The following SPIRE2 variants were observed in gnomAD, a reference collection of about 807,000 sequenced individuals.
SPIRE2 encodes the protein protein spire homolog 2.
A neutral mutation model predicts 80.7 loss-of-function variants in SPIRE2; 76 were observed. The observed-to-expected ratio is 0.94, with a 90% confidence interval of 0.78 to 1.14. The LOEUF (loss-of-function observed/expected upper bound fraction) is 1.14, where lower values mean the gene tolerates loss of function less well. SPIRE2 is among the 50% of genes most tolerant of loss of function. The probability of loss-of-function intolerance (pLI) is 0.00; values close to 1 mark genes in which losing one functional copy is unlikely to be tolerated. For synonymous variants in SPIRE2, 535 were observed against 432.6 expected (o/e 1.24, Z -2.94); for missense variants, 1,196 against 1,015.3 (o/e 1.18, Z -2.42).
At position 89,871,147 on chromosome 16, in the gene SPIRE2, T is replaced by A. The variant is rs1381335971; in HGVS notation, c.*875T>A. ...CCTTGCCCTTTCCCTTTCCCTGGGG[T>A]CCAAACCACATGTGTCCTGCCTCTC... is the stretch of plus-strand genomic sequence containing the variant. On this transcript the variant is annotated 3_prime_UTR_variant, in exon 15 of 15. Transcript: ENST00000378247. 1 of 151,568 alleles carries A rather than the reference T, an allele frequency of 6.6e-6. No homozygotes were observed. Among genetic ancestry groups the A allele is most frequent in the East Asian group, 1.9e-4 (1 of 5,170 alleles). The allele number at this position is 151,568 out of a possible 1,614,324, so 9.4% of individuals were successfully genotyped here. A position where few individuals can be genotyped will look rare whatever the true frequency, so the allele number is the denominator to read the frequency against.
chr16:89,828,569 T>TGCG lies in SPIRE2; in HGVS notation c.26_28dup (p.Gly9dup), dbSNP rs1350111204. ...CCCCGCCATGGCCCGGGCGGGCAGC[T>TGCG]GCGGCGGCGCCGCGGCGGGCGCAGG... On this transcript the variant is annotated inframe_insertion, in exon 1 of 15. Coordinates refer to ENST00000378247, the MANE Select transcript of SPIRE2 (RefSeq NM_032451.2). The surrounding 1 kb of genome is among the most constrained non-coding windows in gnomAD (Gnocchi z 5.9). 1 of 1,150,848 alleles carries TGCG rather than the reference T, an allele frequency of 8.7e-7. No homozygotes were observed. The highest frequency in any genetic ancestry group is 3.8e-5 in the South Asian group (1 of 26,332). 71.3% of individuals were successfully genotyped at this position (1,150,848 alleles called of 1,614,324 possible).
chr16:89,853,868 A>C (rs1026584441), intron 3 of SPIRE2, among the ~76,000 whole-genome samples: 10 of 152,038 alleles, frequency 6.6e-5, no homozygotes, highest in Non-Finnish European at 1.3e-4. Context: ...CAGCTCATCC[A>C]CCCTCCCATC....
chr16:89,855,525 G>C, intron 5 of SPIRE2, 75 bp from the exon 6 acceptor site: 6 of 1,355,848 alleles, frequency 4.4e-6, no homozygotes, highest in Non-Finnish European at 6.2e-6. Flanking sequence ...TCCTTGGGCT[G>C]AGCAGGCCTC....
At chr16:89,838,042 G>C (rs2041467519) in intron 1 of SPIRE2, among the ~76,000 whole-genome samples, 1 of 151,350 alleles carries the variant, frequency 6.6e-6, no homozygotes, top group South Asian at 2.1e-4. Context: ...GACAAGTCTT[G>C]CTCTGTCACC....
intron 10 of SPIRE2, among the ~76,000 whole-genome samples, chr16:89,861,795 T>A (rs1230230581): frequency 6.6e-6 from 1 of 152,186 alleles, no homozygotes; most frequent in Non-Finnish European, 1.5e-5. Context: ...GTGAGTCCCT[T>A]GCTGTGTAGG....
chr16:89,847,871 G>A (rs911154999), intron 2 of SPIRE2, among the ~76,000 whole-genome samples: 4 of 152,232 alleles, frequency 2.6e-5, no homozygotes, highest in South Asian at 2.1e-4. Context: ...TAAGAGGCTC[G>A]GGTTGGAGTT....
intron 1 of SPIRE2, among the ~76,000 whole-genome samples, chr16:89,843,678 TTTGTTTGTTTTTGTTTTTTG>T (rs1441256436): frequency 3.9e-4 from 9 of 23,262 alleles, no homozygotes; most frequent in East Asian, 6.7e-3. Flanking sequence ...TTTTTTTTTT[TTTGTTTGTTTTTGTTTTTTG>T]TTTTTTTTTT....
In SPIRE2 at chr16:89,870,042, C is replaced by T; in HGVS notation, c.1923-8C>T. The T allele has an allele frequency of 1.9e-6, 3 of 1,610,156 alleles. No homozygotes were observed. Among genetic ancestry groups the T allele is most frequent in the Middle Eastern group, 1.9e-4 (1 of 5,226 alleles). Reference sequence around the variant, plus strand: ...TCCTCTCCCTGAGTGCCCTCTCCCACTTCCCAGGTCTCTGCAAGGGCCACA... The same window carrying T: ...TCCTCTCCCTGAGTGCCCTCTCCCATTTCCCAGGTCTCTGCAAGGGCCACA... On this transcript the variant is annotated splice_polypyrimidine_tract_variant and splice_region_variant and intron_variant, in intron 14 of 14. Coordinates refer to ENST00000378247, the MANE Select transcript of SPIRE2 (RefSeq NM_032451.2).
intron 1 of SPIRE2, among the ~76,000 whole-genome samples, chr16:89,844,074 C>A (rs1305797956): frequency 1.3e-5 from 2 of 151,102 alleles, no homozygotes; most frequent in East Asian, 2.0e-4. Flanking sequence ...TGGCTCACTG[C>A]AGCCTCAACC....
At chr16:89,832,670 A>G (rs1254273656) in intron 1 of SPIRE2, among the ~76,000 whole-genome samples, 1 of 152,070 alleles carries the variant, frequency 6.6e-6, no homozygotes, top group African/African-American at 2.4e-5. Context: ...CCCTGGGAGG[A>G]GAACTCAGTC....
intron 7 of SPIRE2, among the ~76,000 whole-genome samples, chr16:89,857,445 C>G (rs968231363): frequency 2.6e-5 from 4 of 151,980 alleles, no homozygotes; most frequent in Admixed American, 6.6e-5. Flanking sequence ...CTAACATGAT[C>G]TTATACCCTA....
intron 1 of SPIRE2, among the ~76,000 whole-genome samples, chr16:89,831,201 GC>G (rs2041377796): frequency 6.6e-6 from 1 of 150,522 alleles, no homozygotes; most frequent in Non-Finnish European, 1.5e-5. Context: ...GAGCCACTGC[GC>G]CCAGCTGGGT....
intron 1 of SPIRE2, among the ~76,000 whole-genome samples, chr16:89,837,773 G>A (rs2041464211): frequency 6.6e-6 from 1 of 152,184 alleles, no homozygotes; most frequent in African/African-American, 2.4e-5. Flanking sequence ...GACGCCCCGT[G>A]CGGGGGGCGT....
rs1437466527 is a variant in SPIRE2, at chr16:89,854,385, T to C, written c.726+19T>C. On this transcript the variant is annotated intron_variant, in intron 4 of 14. Transcript: ENST00000378247. ...AGACTGGGTAAGGCTCACTCCCACC[T>C]GACCGGGCCACTGACGCGGCCCAGC... 3 of 1,611,810 alleles carry C rather than the reference T, an allele frequency of 1.9e-6. No individual in the cohort carries two copies. The South Asian group carries it at 3.3e-5, about 18-fold the overall frequency.
intron 10 of SPIRE2, chr16:89,862,838 G>C (rs1187395974): frequency 6.5e-6 from 1 of 153,032 alleles, no homozygotes; most frequent in Non-Finnish European, 1.5e-5. Context: ...CCGACACTGC[G>C]AACGCTGTGC....
rs1363773141 is a variant in SPIRE2 at position 89,828,824 on chromosome 16, G to T, written c.244+30G>T. ...GGCCGGGGGCGGGGCAGCCGGCGGG[G>T]ACCGCGGTCTGGGGCGTCCGTCCCG... On this transcript the variant is annotated intron_variant, in intron 1 of 14. Transcript: ENST00000378247. The surrounding 1 kb of genome is among the most constrained non-coding windows in gnomAD (Gnocchi z 5.9). 1 of 1,173,718 alleles carries T rather than the reference G, an allele frequency of 8.5e-7. No individual in the cohort carries two copies. Among genetic ancestry groups the T allele is most frequent in the Non-Finnish European group, 1.1e-6 (1 of 950,322 alleles). 72.7% of individuals were successfully genotyped at this position (1,173,718 alleles called of 1,614,324 possible).
intron 2 of SPIRE2, among the ~76,000 whole-genome samples, chr16:89,848,751 T>G (rs1329542315): frequency 6.7e-6 from 1 of 148,892 alleles, no homozygotes; most frequent in East Asian, 2.0e-4. Flanking sequence ...TTCTGTGGTG[T>G]TTCTGCAGGA....
intron 3 of SPIRE2, among the ~76,000 whole-genome samples, chr16:89,851,279 A>C (rs1249492883): frequency 1.3e-5 from 2 of 151,952 alleles, no homozygotes; most frequent in South Asian, 2.1e-4. Flanking sequence ...CTGCCTCCCC[A>C]CCAGCCTCTC....
chr16:89,835,375 G>A (rs1007920661), intron 1 of SPIRE2, among the ~76,000 whole-genome samples: 2 of 152,162 alleles, frequency 1.3e-5, no homozygotes, highest in East Asian at 1.9e-4. Context: ...ATGTGGCCCC[G>A]TCCTCACTGC....
Sources: allele counts gnomAD v4.1 joint callset (sites outside exome capture counted in the v4.1 genomes callset), GRCh38; gene constraint gnomAD v4.1.1; non-coding constraint Gnocchi (gnomAD v3.1); transcripts MANE v1.5; gene names NCBI Gene and HGNC (gene_info 2026-07-23, HGNC 2026-07-21).